The following KLC1 variants were observed in gnomAD, a reference collection of about 807,000 sequenced individuals.
KLC1 encodes the protein kinesin 2 60/70kDa.
Under a neutral mutation model 84.2 loss-of-function variants are expected in KLC1, and 30 were observed. The ratio of observed to expected loss-of-function variants is 0.36; its 90% CI spans 0.27 to 0.48. The LOEUF is 0.48. KLC1 is among the 20% of genes least tolerant of loss of function. KLC1 has a pLI of 0.99. For missense variants in KLC1, 499 were observed against 805.4 expected (o/e 0.62, Z 4.60); for synonymous variants, 289 against 293.3 (o/e 0.99, Z 0.15).
chr14:103,643,397 C>G (rs1018134558), intron 1 of KLC1, among the ~76,000 whole-genome samples: 2 of 152,076 alleles, frequency 1.3e-5, no homozygotes, highest in African/African-American at 4.8e-5. Context: ...GCCAGGTGGT[C>G]GAGGCTGATG....
At chr14:103,670,618 G>A (rs2080296491) in intron 7 of KLC1, among the ~76,000 whole-genome samples, 1 of 151,850 alleles carries the variant, frequency 6.6e-6, no homozygotes, top group Non-Finnish European at 1.5e-5. Context: ...TACAGGCTGA[G>A]CCACTGTGCC....
At chr14:103,652,681 G>A (rs895471844) in intron 1 of KLC1, among the ~76,000 whole-genome samples, 1 of 151,922 alleles carries the variant, frequency 6.6e-6, no homozygotes, top group Non-Finnish European at 1.5e-5. Flanking sequence ...TAGTAGAGAC[G>A]GGGGTTTCAC....
intron 15 of KLC1, chr14:103,699,689 C>T: frequency 1.0e-6 from 1 of 982,816 alleles, no homozygotes; most frequent in Non-Finnish European, 1.6e-6. Flanking sequence ...CCACCTGGGG[C>T]TCACAGTGCC....
chr14:103,693,580 C>T lies in KLC1; in HGVS notation c.1848+1155C>T, dbSNP rs773920579. 3.1e-5 allele frequency: 48 copies of T among 1,535,992 alleles called. No individual in the cohort carries two copies. In the South Asian group the frequency reaches 3.3e-4, roughly 11 times the overall value. ...ACGAAATAATTGTCTGGCCGACTCG[C>T]GAGCTCTGAGTGCCAGCCACACTGA... is the stretch of plus-strand genomic sequence containing the variant. On this transcript the variant is annotated intron_variant, in intron 15 of 16. Coordinates refer to ENST00000334553, the MANE Select transcript of KLC1 (RefSeq NM_001394837.1). The surrounding 1 kb of genome is among the most constrained non-coding windows in gnomAD (Gnocchi z 5.1).
intron 5 of KLC1, among the ~76,000 whole-genome samples, chr14:103,665,041 C>T (rs1358348761): frequency 2.0e-5 from 3 of 151,976 alleles, no homozygotes; most frequent in African/African-American, 7.3e-5. Flanking sequence ...TGAGAGTTGA[C>T]CCACGTGCGT....
At position 103,693,486 on chromosome 14, in the gene KLC1, C is replaced by T; in HGVS notation, c.1848+1061C>T. 1 of 1,532,986 alleles carries T rather than the reference C, an allele frequency of 6.5e-7. No individual in the cohort carries two copies. 95.0% of individuals were successfully genotyped at this position (1,532,986 alleles called of 1,614,324 possible). ...GCAGCTGGTACTGTTAGGCCTGAGGCCATTTGAAGCTGGCATCATTTGAAG... is the reference window on the plus strand; with the variant it reads ...GCAGCTGGTACTGTTAGGCCTGAGGTCATTTGAAGCTGGCATCATTTGAAG... On this transcript the variant is annotated intron_variant, in intron 15 of 16. Transcript: ENST00000334553. The surrounding 1 kb of genome is among the most constrained non-coding windows in gnomAD (Gnocchi z 5.1).
At chr14:103,672,710 A>G (rs929012408) in intron 7 of KLC1, among the ~76,000 whole-genome samples, 9 of 152,224 alleles carry the variant, frequency 5.9e-5, no homozygotes, top group African/African-American at 1.9e-4. Flanking sequence ...AAATGTGCCT[A>G]ATGTGTACAT....
intron 13 of KLC1, chr14:103,682,849 C>T (rs1355503504): frequency 6.8e-6 from 1 of 146,910 alleles, no homozygotes; most frequent in Non-Finnish European, 1.5e-5. Flanking sequence ...AATCTCCACT[C>T]ACTGCAACCT....
intron 1 of KLC1, among the ~76,000 whole-genome samples, chr14:103,650,550 T>G (rs1244318048): frequency 6.6e-6 from 1 of 151,942 alleles, no homozygotes; most frequent in Non-Finnish European, 1.5e-5. Context: ...AGTAAATCAG[T>G]GTTACCTGTT....
At chr14:103,691,089 G>C (rs1460017593) in intron 14 of KLC1, among the ~76,000 whole-genome samples, 6 of 151,850 alleles carry the variant, frequency 4.0e-5, no homozygotes, top group Admixed American at 1.3e-4. Context: ...ATGAGCCCTG[G>C]AGCACCCTCC....
intron 1 of KLC1, among the ~76,000 whole-genome samples, chr14:103,633,224 A>AT (rs1285141144): frequency 6.6e-6 from 1 of 151,804 alleles, no homozygotes; most frequent in Middle Eastern, 3.2e-3. Context: ...CATCCGGCTA[A>AT]TTTTTTGTAT....
At chr14:103,691,197 C>T (rs143550142) in intron 14 of KLC1, among the ~76,000 whole-genome samples, 2 of 140,112 alleles carry the variant, frequency 1.4e-5, no homozygotes, top group African/African-American at 2.6e-5. Context: ...CTTGCTGTGT[C>T]GCCCAGGCTG....
rs150934954 is a variant in KLC1 at position 103,643,302 on chromosome 14, C to T, written c.-1-11262C>T. 2.6e-4 allele frequency among the ~76,000 whole-genome samples: 40 copies of T among 152,242 alleles called. 1 individual carries two copies. The highest frequency in any genetic ancestry group is 7.9e-4 in the African/African-American group (33 of 41,550). On this transcript the variant is annotated intron_variant, in intron 1 of 16. Transcript: ENST00000334553. ...AGTGTGGGCTGCACTTAGTGACTTG[C>T]TTCCTAAGAGTATGGAATGGGATGA...
At chr14:103,686,939 G>T (rs978482041) in intron 13 of KLC1, 142 bp from the exon 14 acceptor site, 2 of 451,974 alleles carry the variant, frequency 4.4e-6, no homozygotes, top group African/African-American at 3.9e-5. Flanking sequence ...ATGGTAATTG[G>T]TGGTTTCTGC....
intron 1 of KLC1, among the ~76,000 whole-genome samples, chr14:103,640,097 T>G (rs1481271327): frequency 2.6e-5 from 4 of 152,222 alleles, no homozygotes; most frequent in Admixed American, 2.0e-4. Context: ...AGACAGAGTT[T>G]CGCTCTGTTG....
chr14:103,687,359 C>T, intron 14 of KLC1, 148 bp downstream of exon 14: 1 of 777,226 alleles, frequency 1.3e-6, no homozygotes, highest in Non-Finnish European at 1.8e-6. Flanking sequence ...TTCATAGTTG[C>T]CACGTAGGTT....
In KLC1 at chr14:103,694,944, G is replaced by A. The variant is rs1606; in HGVS notation, c.1848+2519G>A. 307,191 of 985,234 alleles carry A rather than the reference G, an allele frequency of 0.31. 49,001 individuals are homozygous for A. The highest frequency in any genetic ancestry group is 0.35 in the East Asian group (3,075 of 8,808). The allele number at this position is 985,234 out of a possible 1,614,324, so 61.0% of individuals were successfully genotyped here. A position where few individuals can be genotyped will look rare whatever the true frequency, so the allele number is the denominator to read the frequency against. ...TCCACAAGACAAGCTCCGTGTAGTC[G>A]CCAGCGGGTGCCTGGCCCAGGAGCT... On this transcript the variant is annotated intron_variant, in intron 15 of 16. Coordinates refer to ENST00000334553, the MANE Select transcript of KLC1 (RefSeq NM_001394837.1). The surrounding 1 kb of genome is among the most constrained non-coding windows in gnomAD (Gnocchi z 4.5).
At chr14:103,649,336 A>G (rs1296822849) in intron 1 of KLC1, among the ~76,000 whole-genome samples, 1 of 152,168 alleles carries the variant, frequency 6.6e-6, no homozygotes, top group Non-Finnish European at 1.5e-5. Flanking sequence ...ATCTAAAATA[A>G]TGTAAACAAA....
In KLC1 at chr14:103,679,541, A is replaced by C; in HGVS notation, c.1646A>C (p.Asn549Thr). 6.2e-7 allele frequency: 1 copy of C among 1,613,312 alleles called. No homozygotes were observed. The highest frequency in any genetic ancestry group is 2.2e-5 in the East Asian group (1 of 44,882). ...GEEVSMSVEW[N>T]GDGTGSLKRS... ...GAAGTGAGTATGAGCGTAGAGTGGAACGGGGTAAGTACAGTACACAGCGGG... is the reference window on the plus strand; with the variant it reads ...GAAGTGAGTATGAGCGTAGAGTGGACCGGGGTAAGTACAGTACACAGCGGG... The change falls in exon 13 of 17, where the codon AAC becomes ACC. Residue 549 changes from asparagine to threonine, a missense_variant. Physicochemically the swap from Asn to Thr is moderately conservative, Grantham distance 65. This residue lies in a region of KLC1 where 167 missense variants were observed against 208.8 expected (regional missense o/e 0.80). Transcript: ENST00000334553.
Sources: allele counts gnomAD v4.1 joint callset (sites outside exome capture counted in the v4.1 genomes callset), GRCh38; gene constraint gnomAD v4.1.1; regional missense constraint gnomAD v4.1.1; non-coding constraint Gnocchi (gnomAD v3.1); transcripts MANE v1.5; gene names NCBI Gene and HGNC (gene_info 2026-07-23, HGNC 2026-07-21).